USH2A: variants seen among roughly 807,000 people sequenced by gnomAD.
USH2A encodes the protein usherin.
USH2A carries 443 observed loss-of-function variants against 538.9 expected under a neutral mutation model. That is an observed-to-expected ratio of 0.82 (90% CI 0.76 to 0.89). The LOEUF (loss-of-function observed/expected upper bound fraction) is 0.89, where lower values mean the gene tolerates loss of function less well. USH2A is among the 40% of genes least tolerant of loss of function. The pLI, the probability that USH2A is intolerant of heterozygous loss-of-function variation, is 0.00. For missense variants in USH2A, 6,633 were observed against 6,324.8 expected (o/e 1.05, Z -1.65); for synonymous variants, 2,413 against 2,273.5 (o/e 1.06, Z -1.75).
intron 3 of USH2A, among the ~76,000 whole-genome samples, chr1:216,368,888 T>C (rs2038649516): frequency 6.6e-6 from 1 of 152,170 alleles, no homozygotes; most frequent in African/African-American, 2.4e-5. Flanking sequence ...GTTTTATTAA[T>C]TTGGAGGGCC....
rs187486784 is a variant in USH2A, at chr1:216,072,819, C to T, written c.5857+70G>A. On this transcript the variant is annotated intron_variant, in intron 29 of 71. Coordinates refer to ENST00000307340, the MANE Select transcript of USH2A (RefSeq NM_206933.4). ...TTACTGCTTCAGGGTAATAGTCCTT[C>T]CTTTTATATAAATGCACAAATACAT... 26 of 1,423,462 alleles carry T rather than the reference C, an allele frequency of 1.8e-5. No homozygotes were observed. In the East Asian group the frequency reaches 5.7e-4, roughly 31 times the overall value. The allele number at this position is 1,423,462 out of a possible 1,614,324, so 88.2% of individuals were successfully genotyped here.
At chr1:216,057,282 G>A (rs1037393327) in intron 30 of USH2A, among the ~76,000 whole-genome samples, 8 of 152,008 alleles carry the variant, frequency 5.3e-5, no homozygotes, top group Admixed American at 2.6e-4. Context: ...AGCTAAGCAG[G>A]AACATTACAT....
intron 21 of USH2A, among the ~76,000 whole-genome samples, chr1:216,145,143 C>G (rs1288984519): frequency 6.6e-6 from 1 of 152,192 alleles, no homozygotes; most frequent in Non-Finnish European, 1.5e-5. Flanking sequence ...ATACACCTCT[C>G]TCTGTCTCTC....
chr1:216,184,900 C>T lies in USH2A; in HGVS notation c.4396+5323G>A, dbSNP rs150995805. 2.5e-3 allele frequency among the ~76,000 whole-genome samples: 381 copies of T among 151,966 alleles called. 11 individuals are homozygous for T. Among genetic ancestry groups the T allele is most frequent in the East Asian group, 0.025 (129 of 5,146 alleles). The stretch of plus-strand genomic sequence containing the variant: ...ATGCACACCAATTACTTGTTTTATG[C>T]GAGATGGGCACTTCTAAGCTTGTAG... On this transcript the variant is annotated intron_variant, in intron 20 of 71. Transcript: ENST00000307340.
intron 11 of USH2A, among the ~76,000 whole-genome samples, chr1:216,286,748 T>TA (rs2036894095): frequency 6.6e-6 from 1 of 151,746 alleles, no homozygotes; most frequent in Non-Finnish European, 1.5e-5. Flanking sequence ...AATAAATAAA[T>TA]AAAAACCTAT....
intron 60 of USH2A, among the ~76,000 whole-genome samples, 198 bp from the exon 61 acceptor site, chr1:215,728,582 G>GACAC (rs1311988583): frequency 0.029 from 4,354 of 148,536 alleles, 90 homozygotes; most frequent in Middle Eastern, 0.11. Context: ...AAGTGTAGTT[G>GACAC]ACACACACAC....
intron 3 of USH2A, among the ~76,000 whole-genome samples, chr1:216,381,751 C>A (rs1032654362): frequency 6.6e-6 from 1 of 152,088 alleles, no homozygotes; most frequent in African/African-American, 2.4e-5. Flanking sequence ...GCTACATATT[C>A]GATCAACTAA....
At chr1:216,019,787 A>C (rs1005148094) in intron 32 of USH2A, among the ~76,000 whole-genome samples, 2 of 152,178 alleles carry the variant, frequency 1.3e-5, no homozygotes, top group African/African-American at 4.8e-5. Flanking sequence ...AATAGCTTTG[A>C]ATATAAGAAG....
intron 64 of USH2A, among the ~76,000 whole-genome samples, chr1:215,654,377 TC>T (rs1558039409): frequency 6.6e-6 from 1 of 152,100 alleles, no homozygotes; most frequent in Admixed American, 6.6e-5. Context: ...TGTCTGATGT[TC>T]CCCTCCCTGT....
At chr1:215,734,750 G>A (rs1407986143) in intron 60 of USH2A, among the ~76,000 whole-genome samples, 2 of 152,158 alleles carry the variant, frequency 1.3e-5, no homozygotes, top group African/African-American at 4.8e-5. Flanking sequence ...TGGATGTAAT[G>A]GAACCTAGTT....
intron 61 of USH2A, among the ~76,000 whole-genome samples, chr1:215,715,723 T>C (rs1040041083): frequency 1.3e-5 from 2 of 152,352 alleles, no homozygotes; most frequent in African/African-American, 2.4e-5. Context: ...CACTAACAGA[T>C]TGTAAAACAC....
chr1:216,107,437 C>G (rs1221284056), intron 21 of USH2A, among the ~76,000 whole-genome samples: 1 of 151,654 alleles, frequency 6.6e-6, no homozygotes, highest in Admixed American at 6.6e-5. Flanking sequence ...TTGCCACTAC[C>G]ATTTTCTTAT....
rs549239324 is a variant in USH2A at position 216,274,787 on chromosome 1, T to C, written c.1971+14493A>G. On this transcript the variant is annotated intron_variant, in intron 11 of 71. Coordinates refer to ENST00000307340, the MANE Select transcript of USH2A (RefSeq NM_206933.4). ...ATTGGTGTAAAACCAAGATGTCTTT[T>C]CTTTTCCAGTCTACAATGCCTGTCA... is the stretch of plus-strand genomic sequence containing the variant. 2.6e-5 allele frequency among the ~76,000 whole-genome samples: 4 copies of C among 152,254 alleles called. No individual in the cohort carries two copies. The South Asian group carries it at 8.3e-4, about 32-fold the overall frequency.
intron 47 of USH2A, among the ~76,000 whole-genome samples, chr1:215,829,262 G>T (rs1307172007): frequency 6.6e-6 from 1 of 152,136 alleles, no homozygotes; most frequent in Non-Finnish European, 1.5e-5. Flanking sequence ...GGAATCTTTG[G>T]TTTATATATA....
At chr1:215,793,865 A>G (rs1662048065) in intron 50 of USH2A, among the ~76,000 whole-genome samples, 1 of 152,196 alleles carries the variant, frequency 6.6e-6, no homozygotes, top group Admixed American at 6.5e-5. Flanking sequence ...TCAGTTTCCC[A>G]TGGCTAATAG....
At chr1:215,702,875 C>A (rs2102691193) in intron 61 of USH2A, among the ~76,000 whole-genome samples, 1 of 152,044 alleles carries the variant, frequency 6.6e-6, no homozygotes, top group East Asian at 2.0e-4. Flanking sequence ...AGTTGTGATC[C>A]TTTGGAGATA....
In USH2A at chr1:216,023,459, C is replaced by CA; in HGVS notation, c.6326-22898dup. On this transcript the variant is annotated intron_variant, in intron 32 of 71. Coordinates refer to ENST00000307340, the MANE Select transcript of USH2A (RefSeq NM_206933.4). ...CCTCTTAAAAACTGTTCAAAGCAGA[C>CA]AAAAAAAAAAAAAAAAAAAAAAATC... Among the ~76,000 whole-genome samples the CA allele has an allele frequency of 8.5e-3, 398 of 46,914 alleles. 15 individuals are homozygous for CA. Among genetic ancestry groups the CA allele is most frequent in the Middle Eastern group, 0.031 (2 of 64 alleles). 30.8% of individuals were successfully genotyped at this position (46,914 alleles called of 152,430 possible).
chr1:216,315,922 G>C (rs895874978), intron 9 of USH2A, among the ~76,000 whole-genome samples: 1 of 152,002 alleles, frequency 6.6e-6, no homozygotes, highest in Non-Finnish European at 1.5e-5. Context: ...TAGCATCTAG[G>C]CTTTTGGATT....
At chr1:215,861,062 G>A (rs544695538) in intron 44 of USH2A, among the ~76,000 whole-genome samples, 6 of 152,280 alleles carry the variant, frequency 3.9e-5, no homozygotes, top group Non-Finnish European at 7.4e-5. Flanking sequence ...CTGACATGAA[G>A]TGGAAAGATT....
Sources: gnomAD v4.1 joint callset for allele counts (sites outside exome capture counted in the v4.1 genomes callset) on GRCh38, gnomAD v4.1.1 for gene constraint, MANE v1.5 for transcripts, NCBI Gene and HGNC (gene_info 2026-07-23, HGNC 2026-07-21) for gene names.